Variants in MAD1L1 observed in about 807,000 individuals in gnomAD.
MAD1L1 encodes the protein mitotic spindle assembly checkpoint protein MAD1.
In MAD1L1, 95 loss-of-function variants were observed where a neutral mutation model predicts 96.9. The ratio of observed to expected loss-of-function variants is 0.98; its 90% CI spans 0.83 to 1.16. MAD1L1 has a LOEUF of 1.16. Ranked by LOEUF, MAD1L1 falls within the 50% of genes most tolerant of loss-of-function variation. The pLI, the probability that MAD1L1 is intolerant of heterozygous loss-of-function variation, is 0.00. For missense variants in MAD1L1, 1,007 were observed against 954.4 expected (o/e 1.06, Z -0.73); for synonymous variants, 473 against 396.6 (o/e 1.19, Z -2.29).
At chr7:2,108,159 G>A (rs1175010316) in intron 11 of MAD1L1, among the ~76,000 whole-genome samples, 1 of 152,172 alleles carries the variant, frequency 6.6e-6, no homozygotes, top group African/African-American at 2.4e-5. Flanking sequence ...ACAAACTTGG[G>A]GGCTGTAGCA....
chr7:2,173,368 C>T (rs1639904), intron 10 of MAD1L1, among the ~76,000 whole-genome samples: 2,114 of 152,286 alleles, frequency 0.014, 24 homozygotes, highest in African/African-American at 0.025. Flanking sequence ...CTGAGCCCCG[C>T]GTCTAGCTGA....
chr7:2,128,428 C>A (rs1196461720), intron 11 of MAD1L1, among the ~76,000 whole-genome samples: 2 of 152,070 alleles, frequency 1.3e-5, no homozygotes, highest in Admixed American at 1.3e-4. Flanking sequence ...GAAACACTCG[C>A]TCATCAGCAC....
chr7:2,212,982 G>A (rs972931395), intron 10 of MAD1L1, among the ~76,000 whole-genome samples: 4 of 152,202 alleles, frequency 2.6e-5, no homozygotes, highest in African/African-American at 7.2e-5. Context: ...TGGATATTCC[G>A]CTTCTGAATG....
At chr7:2,031,295 C>T (rs1339697286) in intron 12 of MAD1L1, among the ~76,000 whole-genome samples, 1 of 152,216 alleles carries the variant, frequency 6.6e-6, no homozygotes, top group African/African-American at 2.4e-5. Flanking sequence ...CCTCCTCTGG[C>T]TTCCTGCCGT....
At chr7:2,098,030 C>T (rs759395204) in intron 11 of MAD1L1, among the ~76,000 whole-genome samples, 1 of 152,166 alleles carries the variant, frequency 6.6e-6, no homozygotes, top group Non-Finnish European at 1.5e-5. Flanking sequence ...TCACCTCCAG[C>T]GGGAGGAAGG....
At chr7:1,966,394 G>C (rs957642225) in intron 15 of MAD1L1, among the ~76,000 whole-genome samples, 4 of 152,116 alleles carry the variant, frequency 2.6e-5, no homozygotes, top group Non-Finnish European at 5.9e-5. Flanking sequence ...GATGGGGCTG[G>C]GTTATCTGGG....
chr7:2,215,987 C>G lies in MAD1L1; in HGVS notation c.822G>C (p.Glu274Asp). 6.2e-7 allele frequency: 1 copy of G among 1,614,160 alleles called. No homozygotes were observed. Among genetic ancestry groups the G allele is most frequent in the Admixed American group, 1.7e-5 (1 of 60,022 alleles). Residue 274 changes from glutamate to aspartate, a missense_variant, in exon 9 of 19, where the codon GAG becomes GAC. Coordinates refer to ENST00000265854, the MANE Select transcript of MAD1L1 (RefSeq NM_001013836.2). The stretch of plus-strand genomic sequence containing the variant: ...GCTCTTCCTGGAGCAGCCCGTTGGT[C>G]TCTCTCATCTCCCTGGCAGTGCCAC... ...EESAHLREMRETNGLLQEELE... is the reference protein window; with the variant it reads ...EESAHLREMRDTNGLLQEELE...
chr7:1,997,042 G>A (rs1312249129), intron 14 of MAD1L1, among the ~76,000 whole-genome samples: 1 of 152,174 alleles, frequency 6.6e-6, no homozygotes, highest in East Asian at 1.9e-4. Context: ...GATGGCCCAG[G>A]AAATCTCTCC....
At chr7:1,986,027 T>G (rs1781124043) in intron 14 of MAD1L1, among the ~76,000 whole-genome samples, 1 of 152,240 alleles carries the variant, frequency 6.6e-6, no homozygotes, top group Non-Finnish European at 1.5e-5. Flanking sequence ...TCCTTTGCTC[T>G]AACACAAATG....
In MAD1L1 at chr7:2,069,201, A is replaced by G; in HGVS notation, c.1211T>C (p.Leu404Pro). The G allele has an allele frequency of 1.3e-6, 2 of 1,595,670 alleles. No homozygotes were observed. The highest frequency in any genetic ancestry group is 1.7e-6 in the Non-Finnish European group (2 of 1,171,780). The change falls in exon 12 of 19, where the codon CTC becomes CCC. Residue 404 changes from leucine (L) to proline (P), a missense_variant. Physicochemically the swap from Leu to Pro is moderately conservative, Grantham distance 98. Transcript: ENST00000265854. The stretch of plus-strand genomic sequence containing the variant: ...TGTAAGGGCATACATCACCTTGGTG[A>G]GCAGCAGGACCCGTTTCTGGAGCCT... ...ARRLQKRVLL[L>P]TKERDGMRAI...
At chr7:2,079,840 C>T (rs1435841800) in intron 11 of MAD1L1, 2 of 448,600 alleles carry the variant, frequency 4.5e-6, no homozygotes, top group African/African-American at 2.0e-5. Context: ...GGGCAAGTCA[C>T]CTCCCCAGGC....
rs1365495894 is a variant in MAD1L1 at position 2,142,982 on chromosome 7, C to T, written c.1073+6170G>A. 1.3e-5 allele frequency among the ~76,000 whole-genome samples: 2 copies of T among 152,172 alleles called. No homozygotes were observed. Among genetic ancestry groups the T allele is most frequent in the African/African-American group, 4.8e-5 (2 of 41,428 alleles). ...TGGCCACACACAGGAGACATCCTGC[C>T]CCACAGAGTCCCCTGGAAAACTTAC... On this transcript the variant is annotated intron_variant, in intron 11 of 18. Transcript: ENST00000265854. This position sits in a 1 kb window ranked among gnomAD's most constrained non-coding sequence, Gnocchi z 4.7.
At chr7:2,167,654 C>A (rs567363430) in intron 10 of MAD1L1, among the ~76,000 whole-genome samples, 1 of 152,094 alleles carries the variant, frequency 6.6e-6, no homozygotes, top group East Asian at 1.9e-4. Context: ...CACTTGAGCC[C>A]GGGAGTTCGA....
At chr7:2,201,188 T>C (rs1358386738) in intron 10 of MAD1L1, among the ~76,000 whole-genome samples, 3 of 128,298 alleles carry the variant, frequency 2.3e-5, no homozygotes, top group Non-Finnish European at 3.6e-5. Flanking sequence ...CCGAAGGCCA[T>C]GGCACTGCTG....
At position 2,168,268 on chromosome 7, in the gene MAD1L1, G is replaced by C. The variant is rs77805334; in HGVS notation, c.987-19030C>G. Among the ~76,000 whole-genome samples, 343 of 151,684 alleles carry C rather than the reference G, an allele frequency of 2.3e-3. 8 individuals are homozygous for C. In the South Asian group the frequency reaches 0.045, roughly 20 times the overall value. ...CCACTGCACTCCAACCTGGGTGACAGAGCGAGACTGTCTAAAAAAAGAAAA... is the reference window on the plus strand; with the variant it reads ...CCACTGCACTCCAACCTGGGTGACACAGCGAGACTGTCTAAAAAAAGAAAA... On this transcript the variant is annotated intron_variant, in intron 10 of 18. Transcript: ENST00000265854.
chr7:2,157,594 G>A (rs1034289126), intron 10 of MAD1L1, among the ~76,000 whole-genome samples: 1 of 152,146 alleles, frequency 6.6e-6, no homozygotes, highest in African/African-American at 2.4e-5. Flanking sequence ...CACCTCCCGA[G>A]AAGCCCTGGG....
intron 18 of MAD1L1, 38 bp from the exon 19 acceptor site, chr7:1,816,266 G>A (rs759257559): frequency 1.3e-6 from 2 of 1,586,024 alleles, no homozygotes; most frequent in Admixed American, 3.4e-5. Context: ...ACAGCGGTCA[G>A]CCCGACAGGC....
chr7:2,216,084 C>A, intron 8 of MAD1L1, 73 bp downstream of exon 8: 1 of 1,608,466 alleles, frequency 6.2e-7, no homozygotes, highest in Non-Finnish European at 8.5e-7. Flanking sequence ...CCTACAGGGT[C>A]TGCACAGTGG....
intron 18 of MAD1L1, among the ~76,000 whole-genome samples, chr7:1,852,096 G>A (rs1028789726): frequency 2.6e-5 from 4 of 152,220 alleles, no homozygotes; most frequent in African/African-American, 7.2e-5. Flanking sequence ...CCTGAGGCCC[G>A]AGACCCAGGG....
Sources: allele counts gnomAD v4.1 joint callset (sites outside exome capture counted in the v4.1 genomes callset), GRCh38; gene constraint gnomAD v4.1.1; non-coding constraint Gnocchi (gnomAD v3.1); transcripts MANE v1.5; gene names NCBI Gene and HGNC (gene_info 2026-07-23, HGNC 2026-07-21).